The following YY1 variants were observed in gnomAD, a reference collection of about 807,000 sequenced individuals.
The protein encoded by YY1 is transcriptional repressor protein YY1.
A neutral mutation model predicts 35.6 loss-of-function variants in YY1; 2 were observed. That is an observed-to-expected ratio of 0.06 (90% CI 0.02 to 0.18). YY1 has a LOEUF of 0.18. Ranked by LOEUF, YY1 falls within the 10% of genes least tolerant of loss-of-function variation. The pLI, the probability that YY1 is intolerant of heterozygous loss-of-function variation, is 1.00. For missense variants in YY1, 322 were observed against 573.4 expected (o/e 0.56, Z 4.48); for synonymous variants, 268 against 238.9 (o/e 1.12, Z -1.12).
At chr14:100,246,651 G>A (rs2139570611) in intron 1 of YY1, among the ~76,000 whole-genome samples, 1 of 152,300 alleles carries the variant, frequency 6.6e-6, no homozygotes, top group African/African-American at 2.4e-5. Flanking sequence ...GTAAATGCAA[G>A]GAAGTTGAAA....
chr14:100,244,792 G>A (rs1890806963), intron 1 of YY1, among the ~76,000 whole-genome samples: 1 of 151,854 alleles, frequency 6.6e-6, no homozygotes, highest in Non-Finnish European at 1.5e-5. Flanking sequence ...AAACTCCTGG[G>A]CTCCAGCAAT....
intron 2 of YY1, among the ~76,000 whole-genome samples, chr14:100,267,127 AAAAAG>A (rs1415703608): frequency 6.6e-6 from 1 of 152,220 alleles, no homozygotes; most frequent in Non-Finnish European, 1.5e-5. Flanking sequence ...TCTGAAAAAG[AAAAAG>A]AAAAGGCAAT....
intron 1 of YY1, among the ~76,000 whole-genome samples, chr14:100,253,345 A>T (rs1455889043): frequency 6.6e-6 from 1 of 152,204 alleles, no homozygotes; most frequent in Non-Finnish European, 1.5e-5. Context: ...CTATGTAGCA[A>T]ATCTTTTTCA....
intron 1 of YY1, 146 bp downstream of exon 1, chr14:100,240,069 C>T (rs1351681394): frequency 3.1e-6 from 2 of 636,488 alleles, no homozygotes; most frequent in Non-Finnish European, 4.2e-6. Context: ...GCGGCGGGGG[C>T]GCGGCGGCGG....
At chr14:100,251,058 A>G (rs1890917385) in intron 1 of YY1, among the ~76,000 whole-genome samples, 1 of 152,052 alleles carries the variant, frequency 6.6e-6, no homozygotes, top group Non-Finnish European at 1.5e-5. Context: ...CATATTGACT[A>G]ACTGGTTGAC....
chr14:100,258,396 A>G (rs1891033537), intron 1 of YY1, among the ~76,000 whole-genome samples: 1 of 152,064 alleles, frequency 6.6e-6, no homozygotes, highest in Admixed American at 6.5e-5. Flanking sequence ...TTTTTTTCCT[A>G]GGCCCCACCT....
At chr14:100,260,440 TATATATAC>T (rs1226195811) in intron 1 of YY1, among the ~76,000 whole-genome samples, 2 of 138,996 alleles carry the variant, frequency 1.4e-5, no homozygotes, top group African/African-American at 5.7e-5. Context: ...TATATATATA[TATATATAC>T]ACACACACAC....
chr14:100,239,815 G>T lies in YY1; in HGVS notation c.571G>T (p.Gly191Cys). The change falls in exon 1 of 5, where the codon GGC (glycine) becomes TGC (cysteine). Residue 191 changes from glycine to cysteine, a missense_variant. Gly to Cys is a radical substitution (Grantham distance 159). Around this residue, in one of 4 missense-constraint regions of YY1, gnomAD observed 152 missense variants for 167.1 expected, o/e 0.91. Coordinates refer to ENST00000262238, the MANE Select transcript of YY1 (RefSeq NM_003403.5). ...GAAGAGTTACCTCAGCGGCGGGGCC[G>T]GCGCGGCGGGCGGCGGCGGCGCCGA... ...GKKSYLSGGA[G>C]AAGGGGADPG... is the part of the protein sequence containing the mutation. 1 of 1,482,746 alleles carries T rather than the reference G, an allele frequency of 6.7e-7. No individual in the cohort carries two copies. Among genetic ancestry groups the T allele is most frequent in the Non-Finnish European group, 8.9e-7 (1 of 1,124,224 alleles). 91.8% of individuals were successfully genotyped at this position (1,482,746 alleles called of 1,614,324 possible). A position where few individuals can be genotyped will look rare whatever the true frequency, so the allele number is the denominator to read the frequency against.
rs36009825 is a variant in YY1 at position 100,281,061 on chromosome 14, C to CAAAAAAAAA, written c.*3479_*3487dup. 9.9e-6 allele frequency: 1 copy of CAAAAAAAAA among 100,882 alleles called. No individual in the cohort carries two copies. Among genetic ancestry groups the CAAAAAAAAA allele is most frequent in the African/African-American group, 4.9e-5 (1 of 20,574 alleles). 6.2% of individuals were successfully genotyped at this position (100,882 alleles called of 1,614,324 possible). ...GGTGACAGAGCAAGACTCCGTCTCC[C>CAAAAAAAAA]AAAAAAAAAAAAAAAAAAAAAAAAA... On this transcript the variant is annotated 3_prime_UTR_variant, in exon 5 of 5. Transcript: ENST00000262238.
rs150707023 is a variant in YY1 at position 100,241,363 on chromosome 14, CAG to C, written c.679+1442_679+1443del. Among the ~76,000 whole-genome samples the C allele has an allele frequency of 3.1e-3, 479 of 152,168 alleles. 5 individuals are homozygous for C. The highest frequency in any genetic ancestry group is 1.0e-2 in the African/African-American group (414 of 41,514). On this transcript the variant is annotated intron_variant, in intron 1 of 4. Transcript: ENST00000262238. Reference sequence around the variant, plus strand: ...TTAAAATTCGGAGGAATGAATGAAACAGAAATGAAAAGGCTGGACTGAAAAAG... The same window carrying C: ...TTAAAATTCGGAGGAATGAATGAAACAAATGAAAAGGCTGGACTGAAAAAG...
In YY1 at chr14:100,276,403, T is replaced by C; in HGVS notation, c.904-87T>C. 2 of 1,597,960 alleles carry C rather than the reference T, an allele frequency of 1.3e-6. No homozygotes were observed. The highest frequency in any genetic ancestry group is 1.7e-6 in the Non-Finnish European group (2 of 1,167,242). ...GGGGGGTTGGGGAGGTGGTTTTGTT[T>C]TAATATGTCAGTAAAGGCTGTTAAA... On this transcript the variant is annotated intron_variant, in intron 3 of 4. Coordinates refer to ENST00000262238, the MANE Select transcript of YY1 (RefSeq NM_003403.5). The surrounding 1 kb of genome is among the most constrained non-coding windows in gnomAD (Gnocchi z 4.1).
intron 2 of YY1, among the ~76,000 whole-genome samples, chr14:100,269,228 A>G (rs1051274018): frequency 1.5e-4 from 23 of 152,306 alleles, no homozygotes; most frequent in African/African-American, 5.1e-4. Flanking sequence ...AGCTAGACCC[A>G]TTTCACACAT....
chr14:100,272,614 C>G (rs115758888), intron 2 of YY1, among the ~76,000 whole-genome samples: 1 of 148,104 alleles, frequency 6.8e-6, no homozygotes, highest in South Asian at 2.1e-4. Context: ...TTAGCTCTTG[C>G]TTTTAAGGAT....
chr14:100,281,459 C>T lies in YY1; in HGVS notation c.*3859C>T, dbSNP rs1349176655. The T allele has an allele frequency of 6.6e-6, 1 of 152,150 alleles. No homozygotes were observed. The highest frequency in any genetic ancestry group is 1.9e-4 in the East Asian group (1 of 5,186). The allele number at this position is 152,150 out of a possible 1,614,324, so 9.4% of individuals were successfully genotyped here. A position where few individuals can be genotyped will look rare whatever the true frequency, so the allele number is the denominator to read the frequency against. ...AGGGGGCACCTGTCTGGCTCCGGGCCCTTTGTCCTGGATACACTGACAGTA... is the reference window on the plus strand; with the variant it reads ...AGGGGGCACCTGTCTGGCTCCGGGCTCTTTGTCCTGGATACACTGACAGTA... On this transcript the variant is annotated 3_prime_UTR_variant, in exon 5 of 5. Coordinates refer to ENST00000262238, the MANE Select transcript of YY1 (RefSeq NM_003403.5).
At chr14:100,255,376 TG>T (rs1204869721) in intron 1 of YY1, among the ~76,000 whole-genome samples, 1 of 152,024 alleles carries the variant, frequency 6.6e-6, no homozygotes, top group Non-Finnish European at 1.5e-5. Context: ...CCCAGCAGTT[TG>T]GGAGGCTGAG....
intron 1 of YY1, among the ~76,000 whole-genome samples, chr14:100,256,887 G>C (rs751898175): frequency 6.6e-6 from 1 of 150,810 alleles, no homozygotes; most frequent in Non-Finnish European, 1.5e-5. Context: ...TACGAAAACC[G>C]TGGAAATATA....
rs529841365 is a variant in YY1, at chr14:100,250,886, A to G, written c.679+10963A>G. The stretch of plus-strand genomic sequence containing the variant: ...CAGGCATGGTGGCATGTGCTTTTGT[A>G]GCCCCAGCTACCCAGGAGGCTGACG... On this transcript the variant is annotated intron_variant, in intron 1 of 4. Coordinates refer to ENST00000262238, the MANE Select transcript of YY1 (RefSeq NM_003403.5). 1.5e-4 allele frequency among the ~76,000 whole-genome samples: 22 copies of G among 151,288 alleles called. No homozygotes were observed. In the South Asian group the frequency reaches 4.6e-3, roughly 32 times the overall value.
Position 100,250,553 on chromosome 14 carries a change from A to T in YY1, c.679+10630A>T, listed in dbSNP as rs538051239. ...AATGAGGTTACTGGCAGTCAAAATTAAAAAAAAAGGAACTTATACTACCTT... is the reference window on the plus strand; with the variant it reads ...AATGAGGTTACTGGCAGTCAAAATTTAAAAAAAAGGAACTTATACTACCTT... On this transcript the variant is annotated intron_variant, in intron 1 of 4. Coordinates refer to ENST00000262238, the MANE Select transcript of YY1 (RefSeq NM_003403.5). 3.4e-4 allele frequency among the ~76,000 whole-genome samples: 51 copies of T among 150,940 alleles called. No homozygotes were observed. In the East Asian group the frequency reaches 3.5e-3, roughly 10 times the overall value.
rs1220415087 is a variant in YY1 at position 100,239,872 on chromosome 14, G to A, written c.628G>A (p.Val210Met). 2.0e-6 allele frequency: 3 copies of A among 1,529,586 alleles called. No individual in the cohort carries two copies. Among genetic ancestry groups the A allele is most frequent in the Non-Finnish European group, 1.8e-6 (2 of 1,141,092 alleles). 94.8% of individuals were successfully genotyped at this position (1,529,586 alleles called of 1,614,324 possible). A position where few individuals can be genotyped will look rare whatever the true frequency, so the allele number is the denominator to read the frequency against. ...PGNKKWEQKQ[V>M]QIKTLEGEFS... ...CAACAAGAAGTGGGAGCAGAAGCAG[G>A]TGCAGATCAAGACCCTGGAGGGCGA... The change falls in exon 1 of 5, where the codon GTG (valine) becomes ATG (methionine). Residue 210 changes from valine (V) to methionine (M), a missense_variant. Physicochemically the swap from Val to Met is conservative, Grantham distance 21. Around this residue, in one of 4 missense-constraint regions of YY1, gnomAD observed 152 missense variants for 167.1 expected, o/e 0.91. Transcript: ENST00000262238.
Sources: gnomAD v4.1 joint callset for allele counts (sites outside exome capture counted in the v4.1 genomes callset) on GRCh38, gnomAD v4.1.1 for gene constraint, gnomAD v4.1.1 regional missense constraint, Gnocchi (gnomAD v3.1) non-coding constraint, MANE v1.5 for transcripts, NCBI Gene and HGNC (gene_info 2026-07-23, HGNC 2026-07-21) for gene names.